Variants in RBPJ observed in about 807,000 individuals in gnomAD.
RBPJ encodes the protein recombining binding protein suppressor of hairless.
A neutral mutation model predicts 67.8 loss-of-function variants in RBPJ; 9 were observed. That is an observed-to-expected ratio of 0.13 (90% CI 0.08 to 0.23). The LOEUF (loss-of-function observed/expected upper bound fraction) is 0.23, where lower values mean the gene tolerates loss of function less well. RBPJ is among the 10% of genes least tolerant of loss of function. The pLI is 1.00. For synonymous variants in RBPJ, 198 were observed against 203.3 expected (o/e 0.97, Z 0.22); for missense variants, 305 against 595.6 (o/e 0.51, Z 5.08).
intron 1 of RBPJ, among the ~76,000 whole-genome samples, chr4:26,354,009 C>G (rs944857421): frequency 6.6e-6 from 1 of 151,938 alleles, no homozygotes; most frequent in African/African-American, 2.4e-5. Context: ...CGGCTCACTG[C>G]AAGCTCTGCC....
intron 1 of RBPJ, among the ~76,000 whole-genome samples, chr4:26,209,001 T>C (rs1718266458): frequency 6.6e-6 from 1 of 152,040 alleles, no homozygotes; most frequent in African/African-American, 2.4e-5. Flanking sequence ...TCCTTATTCA[T>C]TTTTTCTTTG....
chr4:26,409,224 T>C (rs963943622), intron 3 of RBPJ, among the ~76,000 whole-genome samples: 1 of 152,082 alleles, frequency 6.6e-6, no homozygotes, highest in African/African-American at 2.4e-5. Flanking sequence ...GAAGACCTAT[T>C]TAGAAAATTG....
the RBPJ span, among the ~76,000 whole-genome samples, chr4:26,138,495 C>T: frequency 3.5e-4 from 54 of 152,236 alleles, no homozygotes; most frequent in African/African-American, 1.1e-3. Context: ...GAGATGTTGG[C>T]GGAACTAAGT....
upstream of RBPJ, among the ~76,000 whole-genome samples, chr4:26,318,299 G>C (rs576377266): frequency 1.3e-5 from 2 of 152,212 alleles, no homozygotes; most frequent in South Asian, 4.1e-4. Flanking sequence ...CCAGGCTAAG[G>C]CTGGTATAGA....
intron 4 of RBPJ, among the ~76,000 whole-genome samples, chr4:26,417,998 T>C (rs1734759427): frequency 6.6e-6 from 1 of 152,226 alleles, no homozygotes; most frequent in African/African-American, 2.4e-5. Context: ...TTAAAAAAAT[T>C]TACATTTTTT....
the RBPJ span, among the ~76,000 whole-genome samples, chr4:26,119,765 G>A: frequency 1.3e-5 from 2 of 152,114 alleles, no homozygotes; most frequent in Admixed American, 6.5e-5. Flanking sequence ...TCAGTGTAAC[G>A]GCCTCAATTC....
At chr4:26,280,939 A>C (rs1335187275) in intron 1 of RBPJ, among the ~76,000 whole-genome samples, 5 of 152,198 alleles carry the variant, frequency 3.3e-5, no homozygotes, top group Non-Finnish European at 7.3e-5. Flanking sequence ...ATTTCTATCC[A>C]AATAAGAATT....
At chr4:26,238,447 T>C (rs192983218) in intron 1 of RBPJ, among the ~76,000 whole-genome samples, 16 of 152,326 alleles carry the variant, frequency 1.1e-4, no homozygotes, top group African/African-American at 3.6e-4. Context: ...TCATAGCTTC[T>C]ATGCAGGGAT....
chr4:26,314,771 G>A (rs113932080), upstream of RBPJ, among the ~76,000 whole-genome samples: 229 of 152,126 alleles, frequency 1.5e-3, 1 homozygote, highest in African/African-American at 5.4e-3. Context: ...CCAGTCTTAG[G>A]TATTTCTTTA....
chr4:26,230,218 A>G (rs1719228879), intron 1 of RBPJ, among the ~76,000 whole-genome samples: 1 of 151,910 alleles, frequency 6.6e-6, no homozygotes, highest in African/African-American at 2.4e-5. Context: ...ATTATGACAC[A>G]TGTTCATAGC....
At chr4:26,277,567 A>G (rs1396808549) in intron 1 of RBPJ, among the ~76,000 whole-genome samples, 2 of 152,132 alleles carry the variant, frequency 1.3e-5, no homozygotes, top group African/African-American at 2.4e-5. Context: ...CGGCCAAGCT[A>G]TAGGTGCCCA....
upstream of RBPJ, among the ~76,000 whole-genome samples, chr4:26,159,959 C>T (rs1414875764): frequency 6.6e-6 from 1 of 151,832 alleles, no homozygotes; most frequent in Non-Finnish European, 1.5e-5. Context: ...CACTCTATCG[C>T]CCAGGCTGGG....
chr4:26,184,544 T>G (rs1717156227), intron 1 of RBPJ, among the ~76,000 whole-genome samples: 1 of 152,122 alleles, frequency 6.6e-6, no homozygotes, highest in Admixed American at 6.5e-5. Context: ...GTAGGATTCT[T>G]GCTCAAACTG....
intron 1 of RBPJ, among the ~76,000 whole-genome samples, chr4:26,241,784 T>C (rs1388746509): frequency 6.6e-6 from 1 of 152,242 alleles, no homozygotes; most frequent in East Asian, 1.9e-4. Flanking sequence ...AGTGCTGGGA[T>C]TACAGGTGTG....
intron 1 of RBPJ, among the ~76,000 whole-genome samples, chr4:26,278,027 T>C (rs1219603930): frequency 6.6e-6 from 1 of 152,216 alleles, no homozygotes; most frequent in Non-Finnish European, 1.5e-5. Flanking sequence ...TGAATATTTA[T>C]TGAGCACCTA....
upstream of RBPJ, chr4:26,320,706 C>G (rs1342070082): frequency 6.5e-7 from 1 of 1,539,236 alleles, no homozygotes; most frequent in Non-Finnish European, 8.8e-7. Context: ...TCAGTCTCCA[C>G]GTACGTCCCT....
intron 1 of RBPJ, among the ~76,000 whole-genome samples, chr4:26,208,364 C>T (rs1316117968): frequency 1.3e-5 from 2 of 152,180 alleles, no homozygotes; most frequent in South Asian, 2.1e-4. Context: ...GAAATGGTAG[C>T]TACAGATCTG....
intron 1 of RBPJ, among the ~76,000 whole-genome samples, chr4:26,173,109 A>G (rs755498087): frequency 6.6e-6 from 1 of 152,140 alleles, no homozygotes; most frequent in Non-Finnish European, 1.5e-5. Context: ...GTAAGGGACT[A>G]CAGTAGGGTA....
the RBPJ span, among the ~76,000 whole-genome samples, chr4:26,157,110 AAC>A: frequency 2.0e-5 from 3 of 148,936 alleles, no homozygotes; most frequent in Non-Finnish European, 3.0e-5. Context: ...AAAACAAACA[AAC>A]AAACAAAAAA....
Sources: allele counts gnomAD v4.1 joint callset (sites outside exome capture counted in the v4.1 genomes callset), GRCh38; gene constraint gnomAD v4.1.1; transcripts MANE v1.5; gene names NCBI Gene and HGNC (gene_info 2026-07-23, HGNC 2026-07-21).